Variants in KCNJ6 observed in about 807,000 individuals in gnomAD.
KCNJ6 encodes G protein-activated inward rectifier potassium channel 2.
Under a neutral mutation model 34.2 loss-of-function variants are expected in KCNJ6, and 9 were observed. The observed-to-expected ratio is 0.26, with a 90% CI of 0.16 to 0.46. The LOEUF is 0.46. KCNJ6 is among the 20% of genes least tolerant of loss of function. The probability of loss-of-function intolerance (pLI) is 1.00; values close to 1 mark genes in which losing one functional copy is unlikely to be tolerated. For synonymous variants in KCNJ6, 196 were observed against 207.1 expected (o/e 0.95, Z 0.46); for missense variants, 236 against 531.3 (o/e 0.44, Z 5.46).
At chr21:37,733,080 G>C (rs1040512247) in intron 2 of KCNJ6, among the ~76,000 whole-genome samples, 1 of 152,200 alleles carries the variant, frequency 6.6e-6, no homozygotes, top group African/African-American at 2.4e-5. Context: ...TAGACGTCCT[G>C]TTGTTTAACT....
intron 2 of KCNJ6, among the ~76,000 whole-genome samples, chr21:37,739,118 G>A (rs1278221120): frequency 6.6e-6 from 1 of 152,176 alleles, no homozygotes; most frequent in Admixed American, 6.5e-5. Context: ...TTTTTGAAGA[G>A]TAATAATGTA....
chr21:37,749,649 A>T (rs1208781033), intron 2 of KCNJ6, among the ~76,000 whole-genome samples: 1 of 152,204 alleles, frequency 6.6e-6, no homozygotes, highest in Non-Finnish European at 1.5e-5. Flanking sequence ...GTGGTTAAAA[A>T]TTTTAGCAAG....
intron 2 of KCNJ6, among the ~76,000 whole-genome samples, chr21:37,818,205 TGCGTGC>T (rs1425616866): frequency 6.7e-6 from 1 of 149,564 alleles, no homozygotes; most frequent in Non-Finnish European, 1.5e-5. Flanking sequence ...TGTGTGTGTG[TGCGTGC>T]GTGTGTGTGT....
intron 3 of KCNJ6, among the ~76,000 whole-genome samples, chr21:37,708,733 G>A (rs1023535267): frequency 4.6e-5 from 7 of 152,144 alleles, no homozygotes; most frequent in African/African-American, 1.7e-4. Context: ...ATAAAAAATG[G>A]TAAAATTGGA....
intron 2 of KCNJ6, among the ~76,000 whole-genome samples, chr21:37,795,809 T>G (rs1398489931): frequency 6.7e-6 from 1 of 148,912 alleles, no homozygotes; most frequent in Admixed American, 6.7e-5. Flanking sequence ...AAAAAGAAAA[T>G]AAAGAAAAAT....
chr21:37,765,676 C>CA (rs1269190236), intron 2 of KCNJ6, among the ~76,000 whole-genome samples: 1 of 152,038 alleles, frequency 6.6e-6, no homozygotes, highest in East Asian at 1.9e-4. Context: ...GTGCATACTA[C>CA]AAAAAAACCC....
intron 2 of KCNJ6, among the ~76,000 whole-genome samples, chr21:37,761,450 T>C (rs910440684): frequency 6.6e-6 from 1 of 151,686 alleles, no homozygotes; most frequent in Non-Finnish European, 1.5e-5. Context: ...TATATTTGTG[T>C]GTGTTGTGTG....
At chr21:37,870,659 G>A (rs1269210042) in intron 1 of KCNJ6, among the ~76,000 whole-genome samples, 4 of 151,234 alleles carry the variant, frequency 2.6e-5, no homozygotes. Context: ...TCATTTGAAA[G>A]TAAATTTGTA....
At chr21:37,716,380 T>A (rs1024699717) in intron 2 of KCNJ6, among the ~76,000 whole-genome samples, 2 of 66,004 alleles carry the variant, frequency 3.0e-5, no homozygotes, top group African/African-American at 5.8e-5. Context: ...AAAGTTTAAA[T>A]TTTTTTTTTT....
chr21:37,660,294 C>T (rs59797156), intron 3 of KCNJ6, among the ~76,000 whole-genome samples: 4,447 of 152,328 alleles, frequency 0.029, 206 homozygotes, highest in African/African-American at 0.099. Context: ...GGGTGCAAGG[C>T]CCTAGACAAA....
intron 3 of KCNJ6, among the ~76,000 whole-genome samples, chr21:37,678,655 G>C (rs555850678): frequency 2.0e-4 from 31 of 152,268 alleles, no homozygotes; most frequent in African/African-American, 7.5e-4. Flanking sequence ...TGGATGACTG[G>C]ATGGGTGGAC....
At chr21:37,640,602 G>C (rs2054376692) in intron 3 of KCNJ6, among the ~76,000 whole-genome samples, 1 of 152,194 alleles carries the variant, frequency 6.6e-6, no homozygotes, top group Non-Finnish European at 1.5e-5. Context: ...TCTTTCAAGT[G>C]GAATAAAAAC....
intron 1 of KCNJ6, among the ~76,000 whole-genome samples, chr21:37,907,774 A>C (rs1377722188): frequency 6.6e-6 from 1 of 152,136 alleles, no homozygotes; most frequent in Non-Finnish European, 1.5e-5. Context: ...CCTCCCCCAC[A>C]TATTCTCCAG....
At chr21:37,912,637 C>A (rs768455639) in intron 1 of KCNJ6, among the ~76,000 whole-genome samples, 1 of 152,280 alleles carries the variant, frequency 6.6e-6, no homozygotes, top group East Asian at 1.9e-4. Context: ...TAGGTAGCAA[C>A]CTTTTCATAA....
At chr21:37,667,824 C>T (rs1338444943) in intron 3 of KCNJ6, among the ~76,000 whole-genome samples, 1 of 151,882 alleles carries the variant, frequency 6.6e-6, no homozygotes, top group African/African-American at 2.4e-5. Context: ...CAAAACTTGC[C>T]CTTGACTGAG....
At chr21:37,904,736 T>C (rs887076711) in intron 1 of KCNJ6, among the ~76,000 whole-genome samples, 2 of 152,196 alleles carry the variant, frequency 1.3e-5, no homozygotes, top group Admixed American at 1.3e-4. Flanking sequence ...TTGACAGATA[T>C]GGCTGAATGA....
At chr21:37,662,143 G>C (rs909664088) in intron 3 of KCNJ6, among the ~76,000 whole-genome samples, 6 of 152,026 alleles carry the variant, frequency 3.9e-5, no homozygotes, top group Non-Finnish European at 8.8e-5. Context: ...AGGATGTACA[G>C]GTTTGTTACA....
At chr21:37,721,815 C>T (rs1469418224) in intron 2 of KCNJ6, among the ~76,000 whole-genome samples, 1 of 152,184 alleles carries the variant, frequency 6.6e-6, no homozygotes, top group African/African-American at 2.4e-5. Context: ...GGCAACATTA[C>T]ATTTCAATTT....
Position 37,879,901 on chromosome 21 carries a change from A to C in KCNJ6, c.-28+35983T>G, listed in dbSNP as rs547903453. 4.6e-3 allele frequency among the ~76,000 whole-genome samples: 703 copies of C among 152,230 alleles called. 3 individuals are homozygous for C. Among genetic ancestry groups the C allele is most frequent in the Middle Eastern group, 0.014 (4 of 294 alleles). ...TTTCTATAGGGTCCAAAACGGAAGTAAAAAAACCCTTTGACTCACCTATAG... is the reference window on the plus strand; with the variant it reads ...TTTCTATAGGGTCCAAAACGGAAGTCAAAAAACCCTTTGACTCACCTATAG... On this transcript the variant is annotated intron_variant, in intron 1 of 3. Transcript: ENST00000609713.
Sources: gnomAD v4.1 joint callset for allele counts (sites outside exome capture counted in the v4.1 genomes callset) on GRCh38, gnomAD v4.1.1 for gene constraint, MANE v1.5 for transcripts, NCBI Gene and HGNC (gene_info 2026-07-23, HGNC 2026-07-21) for gene names.